Variants in GPC5 observed in about 807,000 individuals in gnomAD.
GPC5 encodes the protein glypican 5.
Under a neutral mutation model 53.9 loss-of-function variants are expected in GPC5, and 47 were observed. That is an observed-to-expected ratio of 0.87 (90% CI 0.69 to 1.11). GPC5 has a LOEUF of 1.11. Ranked by LOEUF, GPC5 falls within the 50% of genes most tolerant of loss-of-function variation. The pLI is 0.00. For missense variants in GPC5, 748 were observed against 713.1 expected, an observed-to-expected ratio of 1.05 and a Z score of -0.56; for synonymous variants, 286 against 263.3, an observed-to-expected ratio of 1.09 and a Z score of -0.84.
At chr13:92,362,421 A>T (rs537707380) in intron 7 of GPC5, among the ~76,000 whole-genome samples, 3 of 151,944 alleles carry the variant, frequency 2.0e-5, no homozygotes, top group Middle Eastern at 3.4e-3. Context: ...AGATATGACA[A>T]CAAAGAGACT....
At chr13:92,714,940 C>T (rs555617348) in intron 7 of GPC5, among the ~76,000 whole-genome samples, 2 of 152,168 alleles carry the variant, frequency 1.3e-5, no homozygotes, top group East Asian at 3.9e-4. Context: ...GTGGTGGGTG[C>T]CTGGAATCCC....
At chr13:92,347,883 T>TACATACATAC in intron 7 of GPC5, among the ~76,000 whole-genome samples, 1 of 1,162 alleles carries the variant, frequency 8.6e-4, no homozygotes, top group Admixed American at 0.025. Flanking sequence ...TAATATATAT[T>TACATACATAC]ATATATATTA....
intron 5 of GPC5, among the ~76,000 whole-genome samples, chr13:91,872,042 A>G (rs1267357630): frequency 6.6e-6 from 1 of 152,080 alleles, no homozygotes; most frequent in East Asian, 1.9e-4. Flanking sequence ...AAAATACCAA[A>G]GCAGAGAGAC....
chr13:91,431,794 C>A (rs1260471190), intron 1 of GPC5, among the ~76,000 whole-genome samples: 3 of 152,124 alleles, frequency 2.0e-5, no homozygotes, highest in Admixed American at 1.3e-4. Flanking sequence ...TGGGCTGATG[C>A]CAAAGGAAGT....
Position 92,761,880 on chromosome 13 carries a change from G to A in GPC5, c.1562-104402G>A, listed in dbSNP as rs143162780. ...GAAATCTTGTGAGCTAGGAGAAAAT[G>A]TGCTGAAAGAGAAAAAGAAAACCTG... is the stretch of plus-strand genomic sequence containing the variant. On this transcript the variant is annotated intron_variant, in intron 7 of 7. Coordinates refer to ENST00000377067, the MANE Select transcript of GPC5 (RefSeq NM_004466.6). Among the ~76,000 whole-genome samples, 972 of 152,150 alleles carry A rather than the reference G, an allele frequency of 6.4e-3. 5 individuals carry two copies. The highest frequency in any genetic ancestry group is 0.014 in the Middle Eastern group (4 of 294).
At chr13:92,857,987 A>T (rs1379736575) in intron 7 of GPC5, among the ~76,000 whole-genome samples, 5 of 152,214 alleles carry the variant, frequency 3.3e-5, no homozygotes, top group African/African-American at 1.2e-4. Flanking sequence ...AAGGAAAAGA[A>T]ATTGTTCTAC....
chr13:91,541,301 G>C (rs753743395), intron 2 of GPC5, among the ~76,000 whole-genome samples: 1 of 151,986 alleles, frequency 6.6e-6, no homozygotes, highest in Non-Finnish European at 1.5e-5. Context: ...TGTTTAGATG[G>C]TAAGAAAATT....
intron 7 of GPC5, among the ~76,000 whole-genome samples, chr13:92,279,923 G>A (rs569299688): frequency 1.3e-5 from 2 of 152,008 alleles, no homozygotes; most frequent in African/African-American, 4.8e-5. Context: ...TTCATAGAAC[G>A]TGTTGAGAAG....
intron 7 of GPC5, among the ~76,000 whole-genome samples, chr13:92,383,019 AAAAAAAG>A (rs2043763262): frequency 6.6e-6 from 1 of 151,588 alleles, no homozygotes; most frequent in African/African-American, 2.4e-5. Flanking sequence ...AAAAAAAAAA[AAAAAAAG>A]GAAATCGCAT....
rs1566446337 is a variant in GPC5, at chr13:92,125,923, G to GTTTTTTT, written c.1402-18907_1402-18906insTTTTTTT. 5.8e-4 allele frequency among the ~76,000 whole-genome samples: 24 copies of GTTTTTTT among 41,536 alleles called. 9 individuals are homozygous for GTTTTTTT. The highest frequency in any genetic ancestry group is 5.9e-4 in the Non-Finnish European group (12 of 20,260). 27.2% of individuals were successfully genotyped at this position (41,536 alleles called of 152,430 possible). ...ATTAGAAAGGAAACATTTGTTTTTT[G>GTTTTTTT]GTTTTTTTTTTTTTTTTTTTTTTTT... On this transcript the variant is annotated intron_variant, in intron 6 of 7. Coordinates refer to ENST00000377067, the MANE Select transcript of GPC5 (RefSeq NM_004466.6).
intron 7 of GPC5, among the ~76,000 whole-genome samples, chr13:92,608,434 C>A (rs1594343060): frequency 6.6e-6 from 1 of 152,084 alleles, no homozygotes; most frequent in Non-Finnish European, 1.5e-5. Flanking sequence ...AAAACAGTAT[C>A]CTATAATGGT....
chr13:92,518,747 CATA>C (rs1445292468), intron 7 of GPC5, among the ~76,000 whole-genome samples: 1 of 152,150 alleles, frequency 6.6e-6, no homozygotes, highest in Non-Finnish European at 1.5e-5. Flanking sequence ...CAGCTAACAT[CATA>C]ATGACAGGAT....
intron 6 of GPC5, among the ~76,000 whole-genome samples, chr13:92,139,174 G>A (rs2041808974): frequency 6.6e-6 from 1 of 151,992 alleles, no homozygotes; most frequent in Non-Finnish European, 1.5e-5. Context: ...TTCCTTATTG[G>A]CGATAAGAAA....
At chr13:92,182,786 G>A (rs1219850534) in intron 7 of GPC5, among the ~76,000 whole-genome samples, 3 of 151,846 alleles carry the variant, frequency 2.0e-5, no homozygotes, top group Admixed American at 6.6e-5. Context: ...GGAGAATGGC[G>A]TGAACCCGGC....
chr13:91,936,873 A>C (rs1020599361), intron 6 of GPC5, among the ~76,000 whole-genome samples: 1 of 152,092 alleles, frequency 6.6e-6, no homozygotes, highest in African/African-American at 2.4e-5. Flanking sequence ...ACATTTTCCA[A>C]GCCAGTCATC....
At chr13:92,821,753 A>G (rs895342385) in intron 7 of GPC5, among the ~76,000 whole-genome samples, 20 of 152,262 alleles carry the variant, frequency 1.3e-4, no homozygotes, top group African/African-American at 4.8e-4. Context: ...AAAGAGTTCT[A>G]TATATCAGTT....
chr13:92,433,263 A>T lies in GPC5; in HGVS notation c.1561+288274A>T, dbSNP rs529786303. ...GTTACATTCTTCACTGTAGCCTGAGAAGAAGGCAGAATATCTAGATACAGA... is the reference window on the plus strand; with the variant it reads ...GTTACATTCTTCACTGTAGCCTGAGTAGAAGGCAGAATATCTAGATACAGA... On this transcript the variant is annotated intron_variant, in intron 7 of 7. Transcript: ENST00000377067. 2.0e-5 allele frequency among the ~76,000 whole-genome samples: 3 copies of T among 152,212 alleles called. No individual in the cohort carries two copies. In the South Asian group the frequency reaches 6.2e-4, roughly 32 times the overall value.
chr13:92,146,944 C>T (rs2041871660), intron 7 of GPC5, among the ~76,000 whole-genome samples: 1 of 151,894 alleles, frequency 6.6e-6, no homozygotes, highest in Non-Finnish European at 1.5e-5. Context: ...CATATCTTTT[C>T]ATGAGAATTA....
intron 7 of GPC5, among the ~76,000 whole-genome samples, chr13:92,488,427 C>T: frequency 6.6e-6 from 1 of 152,314 alleles, no homozygotes; most frequent in East Asian, 1.9e-4. Context: ...TACATAGATT[C>T]TAGGCAGTGA....
Sources: allele counts gnomAD v4.1 joint callset (sites outside exome capture counted in the v4.1 genomes callset), GRCh38; gene constraint gnomAD v4.1.1; transcripts MANE v1.5; gene names NCBI Gene and HGNC (gene_info 2026-07-23, HGNC 2026-07-21).